ZFPM2: variants seen among roughly 807,000 people sequenced by gnomAD.
ZFPM2 encodes the protein zinc finger protein, FOG family member 2, also known as zinc finger protein ZFPM2.
ZFPM2 carries 20 observed loss-of-function variants against 98.6 expected under a neutral mutation model. The ratio of observed to expected loss-of-function variants is 0.20; its 90% CI spans 0.14 to 0.29. The LOEUF (loss-of-function observed/expected upper bound fraction) is 0.29, where lower values mean the gene tolerates loss of function less well. ZFPM2 is among the 10% of genes least tolerant of loss of function. ZFPM2 has a pLI of 1.00. For missense variants in ZFPM2, 1,310 were observed against 1,388.6 expected (o/e 0.94, Z 0.90); for synonymous variants, 518 against 502.7 (o/e 1.03, Z -0.41).
chr8:105,435,254 T>G (rs1812097557), intron 2 of ZFPM2, among the ~76,000 whole-genome samples: 1 of 152,180 alleles, frequency 6.6e-6, no homozygotes, highest in Non-Finnish European at 1.5e-5. Flanking sequence ...AATCTTGCAA[T>G]GGAAAACCAT....
intron 5 of ZFPM2, among the ~76,000 whole-genome samples, chr8:105,766,791 G>C (rs1315968360): frequency 6.6e-6 from 1 of 151,728 alleles, no homozygotes; most frequent in African/African-American, 2.4e-5. Context: ...GACCTTTATA[G>C]GTTGGCAATA....
chr8:105,486,170 C>T (rs372825581), intron 3 of ZFPM2, among the ~76,000 whole-genome samples: 2 of 152,080 alleles, frequency 1.3e-5, no homozygotes, highest in South Asian at 2.1e-4. Flanking sequence ...TAAGAATTCA[C>T]TTGAACCTTA....
At chr8:105,669,842 C>T (rs1319332620) in intron 5 of ZFPM2, 1 of 152,136 alleles carries the variant, frequency 6.6e-6, no homozygotes, top group African/African-American at 2.4e-5. Context: ...TCCCATCCAA[C>T]TAGCTGGCTA....
intron 5 of ZFPM2, among the ~76,000 whole-genome samples, chr8:105,734,791 T>A (rs2131020846): frequency 6.6e-6 from 1 of 151,992 alleles, no homozygotes; most frequent in Non-Finnish European, 1.5e-5. Flanking sequence ...GCAAGCTACC[T>A]CTTTTATAGT....
intron 4 of ZFPM2, among the ~76,000 whole-genome samples, chr8:105,621,001 T>C (rs1181166129): frequency 6.6e-6 from 1 of 152,112 alleles, no homozygotes; most frequent in Admixed American, 6.6e-5. Flanking sequence ...CAGATTATCT[T>C]GGAAATGCGG....
intron 3 of ZFPM2, among the ~76,000 whole-genome samples, chr8:105,446,542 A>G (rs1812374547): frequency 2.0e-5 from 3 of 152,282 alleles, no homozygotes; most frequent in Non-Finnish European, 4.4e-5. Context: ...AGGGGGAGAG[A>G]AAGTGAACAA....
At chr8:105,402,372 G>T (rs1420839868) in intron 1 of ZFPM2, among the ~76,000 whole-genome samples, 2 of 151,704 alleles carry the variant, frequency 1.3e-5, no homozygotes, top group African/African-American at 2.4e-5. Context: ...TGTCTTTATT[G>T]AATGTATTAT....
At chr8:105,629,836 T>C (rs191083098) in intron 4 of ZFPM2, among the ~76,000 whole-genome samples, 53 of 152,314 alleles carry the variant, frequency 3.5e-4, no homozygotes, top group African/African-American at 1.3e-3. Flanking sequence ...AGATGGCATT[T>C]TTTTCATGTT....
At chr8:105,584,326 A>G (rs1330825179) in intron 4 of ZFPM2, among the ~76,000 whole-genome samples, 2 of 152,130 alleles carry the variant, frequency 1.3e-5, no homozygotes, top group South Asian at 4.1e-4. Flanking sequence ...AGGCCTTTAT[A>G]TCCACAACAA....
At chr8:105,680,151 G>T (rs1186184972) in intron 5 of ZFPM2, among the ~76,000 whole-genome samples, 3 of 152,114 alleles carry the variant, frequency 2.0e-5, no homozygotes, top group Non-Finnish European at 4.4e-5. Flanking sequence ...TTGAAGAAGG[G>T]TTGAATATCA....
chr8:105,480,986 G>A (rs1244535365), intron 3 of ZFPM2, among the ~76,000 whole-genome samples: 2 of 152,108 alleles, frequency 1.3e-5, no homozygotes, highest in Admixed American at 6.5e-5. Flanking sequence ...TCCTGACCAC[G>A]TGATCCACCC....
chr8:105,583,371 G>T (rs552605152), intron 4 of ZFPM2, among the ~76,000 whole-genome samples: 31 of 152,028 alleles, frequency 2.0e-4, no homozygotes, highest in African/African-American at 6.7e-4. Context: ...TTTGCATAAT[G>T]GGTGTGAAAA....
chr8:105,706,557 T>G (rs1811268234), intron 5 of ZFPM2, among the ~76,000 whole-genome samples: 1 of 152,066 alleles, frequency 6.6e-6, no homozygotes, highest in Non-Finnish European at 1.5e-5. Flanking sequence ...CAAAAGTAAA[T>G]AACTGATGAT....
chr8:105,338,855 A>G (rs970875848), intron 1 of ZFPM2, among the ~76,000 whole-genome samples: 1 of 151,858 alleles, frequency 6.6e-6, no homozygotes, highest in Non-Finnish European at 1.5e-5. Context: ...AAAAAGAAGA[A>G]TGCAAATTAA....
chr8:105,541,977 GTATT>G (rs1189601496), intron 3 of ZFPM2, among the ~76,000 whole-genome samples: 1 of 151,942 alleles, frequency 6.6e-6, no homozygotes, highest in Non-Finnish European at 1.5e-5. Context: ...TGAATAACAA[GTATT>G]ACTGATAAGT....
intron 5 of ZFPM2, among the ~76,000 whole-genome samples, chr8:105,731,740 T>G (rs907138846): frequency 2.6e-5 from 4 of 151,762 alleles, no homozygotes; most frequent in Admixed American, 6.6e-5. Context: ...ATTTTCAGAA[T>G]GTATTGTAAT....
At chr8:105,649,861 G>T (rs1817131611) in intron 5 of ZFPM2, among the ~76,000 whole-genome samples, 1 of 152,150 alleles carries the variant, frequency 6.6e-6, no homozygotes, top group South Asian at 2.1e-4. Flanking sequence ...TTGTGTCTCT[G>T]CCAGCCTTTG....
chr8:105,799,326 T>C (rs1336480235), intron 7 of ZFPM2, among the ~76,000 whole-genome samples: 2 of 152,216 alleles, frequency 1.3e-5, no homozygotes, highest in Non-Finnish European at 2.9e-5. Context: ...GAAGAAATAA[T>C]AGGTACATAA....
At chr8:105,617,380 T>C (rs1182574534) in intron 4 of ZFPM2, among the ~76,000 whole-genome samples, 1 of 152,158 alleles carries the variant, frequency 6.6e-6, no homozygotes, top group African/African-American at 2.4e-5. Flanking sequence ...TTTGATCCAG[T>C]CTACCTGTGA....
Sources: gnomAD v4.1 joint callset for allele counts (sites outside exome capture counted in the v4.1 genomes callset) on GRCh38, gnomAD v4.1.1 for gene constraint, MANE v1.5 for transcripts, NCBI Gene and HGNC (gene_info 2026-07-23, HGNC 2026-07-21) for gene names.